The following DLG2 variants were observed in gnomAD, a reference collection of about 807,000 sequenced individuals.
The protein encoded by DLG2 is discs large MAGUK scaffold protein 2.
A neutral mutation model predicts 132.5 loss-of-function variants in DLG2; 45 were observed. The ratio of observed to expected loss-of-function variants is 0.34; its 90% CI spans 0.27 to 0.44. The LOEUF (loss-of-function observed/expected upper bound fraction) is 0.44, where lower values mean the gene tolerates loss of function less well. Ranked by LOEUF, DLG2 falls within the 20% of genes least tolerant of loss-of-function variation. The probability of loss-of-function intolerance (pLI) is 1.00; values close to 1 mark genes in which losing one functional copy is unlikely to be tolerated. For missense variants in DLG2, 1,045 were observed against 1,196.9 expected (o/e 0.87, Z 1.87); for synonymous variants, 424 against 419.6 (o/e 1.01, Z -0.13).
chr11:85,296,467 C>CTTTTTTTTTTTTTTTTTATTTTT (rs2079219207), intron 3 of DLG2, among the ~76,000 whole-genome samples: 1 of 121,554 alleles, frequency 8.2e-6, no homozygotes. Context: ...TTTCGATTTT[C>CTTTTTTTTTTTTTTTTTATTTTT]TTTTTTTTTT....
chr11:85,274,959 C>G (rs563401827), intron 4 of DLG2, among the ~76,000 whole-genome samples: 1 of 152,136 alleles, frequency 6.6e-6, no homozygotes, highest in African/African-American at 2.4e-5. Flanking sequence ...CATGGCAGCT[C>G]ATACTTTGTT....
At chr11:85,563,777 C>A (rs988163386) in intron 3 of DLG2, among the ~76,000 whole-genome samples, 3 of 152,060 alleles carry the variant, frequency 2.0e-5, no homozygotes, top group Admixed American at 6.6e-5. Flanking sequence ...CTGCTATAAA[C>A]ATTCTTATAC....
chr11:84,930,895 G>T (rs2048004902), intron 6 of DLG2, among the ~76,000 whole-genome samples: 1 of 151,932 alleles, frequency 6.6e-6, no homozygotes. Context: ...ACCTTTTTAG[G>T]AAAGCCAGCC....
At position 83,840,307 on chromosome 11, in the gene DLG2, T is replaced by C. The variant is rs115456577; in HGVS notation, c.1566-6537A>G. ...CCAGGCACCAGCATTTCCCCAGTAA[T>C]AGTAAGATGCCTGGCAGGTAGCAGA... On this transcript the variant is annotated intron_variant, in intron 16 of 27. Coordinates refer to ENST00000376104, the MANE Select transcript of DLG2 (RefSeq NM_001142699.3). 3.6e-3 allele frequency among the ~76,000 whole-genome samples: 548 copies of C among 152,270 alleles called. 7 individuals carry two copies. Among genetic ancestry groups the C allele is most frequent in the African/African-American group, 0.013 (527 of 41,548 alleles).
chr11:85,495,647 A>T (rs1051398926), intron 3 of DLG2, among the ~76,000 whole-genome samples: 1 of 152,188 alleles, frequency 6.6e-6, no homozygotes, highest in African/African-American at 2.4e-5. Context: ...GCTGGTGAGG[A>T]TGTGAAGAAA....
chr11:84,818,859 CTTTTTGA>C (rs2077355214), intron 6 of DLG2, among the ~76,000 whole-genome samples: 1 of 151,846 alleles, frequency 6.6e-6, no homozygotes, highest in Non-Finnish European at 1.5e-5. Context: ...AAATTCAGAA[CTTTTTGA>C]TTGAGCCACA....
chr11:84,242,937 G>A (rs1328305919), intron 8 of DLG2, among the ~76,000 whole-genome samples: 1 of 150,498 alleles, frequency 6.6e-6, no homozygotes, highest in East Asian at 2.0e-4. Flanking sequence ...CTTAAAAAAG[G>A]AGGAAATTAA....
chr11:84,493,321 A>G (rs2099170102), intron 7 of DLG2, among the ~76,000 whole-genome samples: 1 of 152,134 alleles, frequency 6.6e-6, no homozygotes, highest in Non-Finnish European at 1.5e-5. Flanking sequence ...TAGTTTTGCT[A>G]AGCAGAACAA....
intron 4 of DLG2, among the ~76,000 whole-genome samples, chr11:85,276,242 A>G (rs1384597215): frequency 2.0e-5 from 3 of 152,158 alleles, no homozygotes; most frequent in Non-Finnish European, 4.4e-5. Context: ...GGAGAAAAAA[A>G]CTTTAGGAAT....
At chr11:85,240,074 T>C (rs1342069403) in intron 4 of DLG2, among the ~76,000 whole-genome samples, 1 of 151,940 alleles carries the variant, frequency 6.6e-6, no homozygotes. Context: ...GTGTTTTTAT[T>C]TTATTCCCAT....
chr11:84,710,906 A>G (rs377533512), intron 6 of DLG2, among the ~76,000 whole-genome samples: 1 of 150,852 alleles, frequency 6.6e-6, no homozygotes, highest in East Asian at 2.0e-4. Flanking sequence ...TCTATCTGAC[A>G]CCATCATTTA....
At chr11:84,840,108 T>C (rs1016955787) in intron 6 of DLG2, among the ~76,000 whole-genome samples, 2 of 151,914 alleles carry the variant, frequency 1.3e-5, no homozygotes, top group African/African-American at 4.8e-5. Context: ...AGGGCTAATA[T>C]CCAGAATCCA....
chr11:85,609,051 G>C (rs897457908), intron 2 of DLG2, among the ~76,000 whole-genome samples: 5 of 152,102 alleles, frequency 3.3e-5, no homozygotes, highest in Non-Finnish European at 7.4e-5. Context: ...CAGATCATGG[G>C]GACTGGAGTC....
At chr11:84,815,151 A>G (rs192102022) in intron 6 of DLG2, among the ~76,000 whole-genome samples, 6 of 152,210 alleles carry the variant, frequency 3.9e-5, no homozygotes, top group Admixed American at 3.3e-4. Flanking sequence ...TCAACTCTCA[A>G]ACTGTTTGTA....
At chr11:84,087,881 T>A (rs1237664347) in intron 10 of DLG2, among the ~76,000 whole-genome samples, 1 of 152,214 alleles carries the variant, frequency 6.6e-6, no homozygotes, top group Non-Finnish European at 1.5e-5. Flanking sequence ...AACTATAGGA[T>A]AATAAATTCG....
At chr11:85,416,340 T>C (rs1008801124) in intron 3 of DLG2, among the ~76,000 whole-genome samples, 6 of 152,260 alleles carry the variant, frequency 3.9e-5, no homozygotes, top group Non-Finnish European at 8.8e-5. Flanking sequence ...TTTTGGTTAC[T>C]GTAGCCTTGT....
chr11:84,876,414 G>A (rs1359616557), intron 6 of DLG2, among the ~76,000 whole-genome samples: 2 of 152,130 alleles, frequency 1.3e-5, no homozygotes, highest in Non-Finnish European at 2.9e-5. Context: ...AGTCTTGGGA[G>A]GGTGTATGTG....
intron 4 of DLG2, among the ~76,000 whole-genome samples, chr11:85,235,047 TA>T (rs898272603): frequency 6.6e-5 from 10 of 151,980 alleles, no homozygotes; most frequent in Non-Finnish European, 5.9e-5. Context: ...AGGAAGACAA[TA>T]TTTTAAATAA....
At chr11:84,532,117 ATTTTTTTTTTTTT>A (rs67139617) in intron 7 of DLG2, among the ~76,000 whole-genome samples, 2 of 104,584 alleles carry the variant, frequency 1.9e-5, no homozygotes, top group African/African-American at 7.3e-5. Context: ...TGTTCTGTTC[ATTTTTTTTTTTTT>A]TTTTTTTTTT....
Sources: allele counts gnomAD v4.1 joint callset (sites outside exome capture counted in the v4.1 genomes callset), GRCh38; gene constraint gnomAD v4.1.1; transcripts MANE v1.5; gene names NCBI Gene and HGNC (gene_info 2026-07-23, HGNC 2026-07-21).